Variants in MKLN1 observed in about 807,000 individuals in gnomAD.
The protein encoded by MKLN1 is muskelin.
A neutral mutation model predicts 99.0 loss-of-function variants in MKLN1; 18 were observed. The ratio of observed to expected loss-of-function variants is 0.18; its 90% CI spans 0.13 to 0.27. The LOEUF is 0.27. Ranked by LOEUF, MKLN1 falls within the 10% of genes least tolerant of loss-of-function variation. The probability of loss-of-function intolerance (pLI) is 1.00; values close to 1 mark genes in which losing one functional copy is unlikely to be tolerated. For synonymous variants in MKLN1, 288 were observed against 293.2 expected (o/e 0.98, Z 0.18); for missense variants, 621 against 875.9 (o/e 0.71, Z 3.67).
chr7:131,116,066 G>A (rs7799580), intron 1 of MKLN1, among the ~76,000 whole-genome samples: 1,914 of 152,262 alleles, frequency 0.013, 41 homozygotes, highest in African/African-American at 0.044. Flanking sequence ...AGCACTTTGG[G>A]ATGCCGAGGC....
intron 2 of MKLN1, among the ~76,000 whole-genome samples, chr7:131,143,747 G>C (rs1302584952): frequency 6.6e-6 from 1 of 152,150 alleles, no homozygotes; most frequent in Non-Finnish European, 1.5e-5. Context: ...AGGATCACTT[G>C]AGACCAGGAG....
At position 131,466,923 on chromosome 7, in the gene MKLN1, A is replaced by ACG. The variant is rs58111500; in HGVS notation, c.1928+520_1928+521dup. Reference sequence around the variant, plus strand: ...TACATATACACACACACACACACACACGCGCGCGCGCGCACACACGCACGC... The same window carrying ACG: ...TACATATACACACACACACACACACACGCGCGCGCGCGCGCACACACGCACGC... On this transcript the variant is annotated intron_variant, in intron 15 of 17. Transcript: ENST00000352689. 3.7e-3 allele frequency among the ~76,000 whole-genome samples: 558 copies of ACG among 150,652 alleles called. 2 individuals carry two copies. The highest frequency in any genetic ancestry group is 4.6e-3 in the Admixed American group (70 of 15,202).
chr7:131,116,193 A>G (rs1049635267), intron 1 of MKLN1, among the ~76,000 whole-genome samples: 1 of 151,752 alleles, frequency 6.6e-6, no homozygotes, highest in Admixed American at 6.6e-5. Context: ...TAATGAATAT[A>G]TATATATATT....
At chr7:131,288,963 C>A (rs373138621) in intron 3 of MKLN1, among the ~76,000 whole-genome samples, 19 of 152,056 alleles carry the variant, frequency 1.2e-4, no homozygotes, top group East Asian at 9.6e-4. Flanking sequence ...GGTGGTTAGG[C>A]AGAGCCTTCT....
At chr7:131,405,265 C>A (rs1048586818) in intron 6 of MKLN1, among the ~76,000 whole-genome samples, 2 of 151,762 alleles carry the variant, frequency 1.3e-5, no homozygotes, top group African/African-American at 4.8e-5. Context: ...ATCAAGTGCA[C>A]TAGTCTCTTG....
intron 2 of MKLN1, among the ~76,000 whole-genome samples, chr7:131,153,202 T>A (rs1210503556): frequency 1.3e-5 from 2 of 152,114 alleles, no homozygotes; most frequent in East Asian, 3.8e-4. Context: ...TTTTTTGGCA[T>A]GTGCCAATGG....
chr7:131,366,581 C>A (rs568884890), intron 1 of MKLN1, among the ~76,000 whole-genome samples: 1 of 152,042 alleles, frequency 6.6e-6, no homozygotes, highest in East Asian at 1.9e-4. Flanking sequence ...GAGGCTGAGG[C>A]GGCAAGATCA....
At chr7:131,379,024 A>G (rs1793756856) in intron 2 of MKLN1, among the ~76,000 whole-genome samples, 1 of 152,098 alleles carries the variant, frequency 6.6e-6, no homozygotes, top group Non-Finnish European at 1.5e-5. Context: ...ATGAGGAAGA[A>G]AACTCGTCTC....
intron 3 of MKLN1, chr7:131,311,195 A>G (rs1179836105): frequency 5.9e-5 from 9 of 152,196 alleles, no homozygotes. Context: ...ATTCAAGAGT[A>G]CTTGTCAGGG....
At chr7:131,168,402 T>TA (rs1248774498) in intron 2 of MKLN1, among the ~76,000 whole-genome samples, 1 of 151,902 alleles carries the variant, frequency 6.6e-6, no homozygotes, top group African/African-American at 2.4e-5. Context: ...ATAAAGGCTT[T>TA]AAAAAAAAGC....
chr7:131,492,403 A>G lies in MKLN1; in HGVS notation c.*4675A>G, dbSNP rs1797448078. The G allele has an allele frequency of 6.6e-6, 1 of 152,090 alleles. No homozygotes were observed. The highest frequency in any genetic ancestry group is 1.5e-5 in the Non-Finnish European group (1 of 68,008). The allele number at this position is 152,090 out of a possible 1,614,324, so 9.4% of individuals were successfully genotyped here. ...TTTCTTTTTTTTTCCTTAAATAAAA[A>G]TAATGCAGCCTTATATATGTCTCTT... On this transcript the variant is annotated 3_prime_UTR_variant, in exon 18 of 18. Transcript: ENST00000352689.
At chr7:131,153,662 TGG>T (rs1491203920) in intron 2 of MKLN1, among the ~76,000 whole-genome samples, 1,476 of 54,700 alleles carry the variant, frequency 0.027, 39 homozygotes, top group Middle Eastern at 0.048. Context: ...AGGTTTTTTT[TGG>T]TTTTTTTTTT....
chr7:131,376,112 A>ATG (rs1190370527), intron 2 of MKLN1, among the ~76,000 whole-genome samples: 3 of 242 alleles, frequency 0.012, no homozygotes, highest in African/African-American at 0.047. Flanking sequence ...ATATATATAT[A>ATG]TATATATATA....
At chr7:131,327,861 C>G, upstream of MKLN1, 1 of 1,604,116 alleles carries the variant, frequency 6.2e-7, no homozygotes, top group East Asian at 2.2e-5. Context: ...CTCCCGTTCG[C>G]TGCCAGCGGT....
chr7:131,133,468 C>T (rs187908586), intron 1 of MKLN1, among the ~76,000 whole-genome samples: 8 of 150,202 alleles, frequency 5.3e-5, no homozygotes, highest in African/African-American at 2.0e-4. Context: ...ATTCTCCTGC[C>T]TCAGCCTCCT....
intron 4 of MKLN1, 120 bp downstream of exon 4, chr7:131,389,092 T>G (rs1366140497): frequency 8.4e-6 from 5 of 596,876 alleles, no homozygotes; most frequent in Non-Finnish European, 1.4e-5. Context: ...TATGGGAATA[T>G]TGCTGCGCTG....
chr7:131,353,853 G>A lies in MKLN1; in HGVS notation c.99-21571G>A, dbSNP rs113689299. 4.6e-3 allele frequency among the ~76,000 whole-genome samples: 490 copies of A among 105,978 alleles called. 2 individuals are homozygous for A. Among genetic ancestry groups the A allele is most frequent in the African/African-American group, 0.016 (465 of 28,364 alleles). The allele number at this position is 105,978 out of a possible 152,430, so 69.5% of individuals were successfully genotyped here. On this transcript the variant is annotated intron_variant, in intron 1 of 17. Transcript: ENST00000352689. Reference sequence around the variant, plus strand: ...ATAGTTGTCCAGTTGCTCTAGCACTGTTTGTTGAAAAGGCTATTCTTCCTT... The same window carrying A: ...ATAGTTGTCCAGTTGCTCTAGCACTATTTGTTGAAAAGGCTATTCTTCCTT...
At chr7:131,484,204 A>G (rs1415794270) in intron 17 of MKLN1, among the ~76,000 whole-genome samples, 1 of 152,180 alleles carries the variant, frequency 6.6e-6, no homozygotes, top group Non-Finnish European at 1.5e-5. Flanking sequence ...CCTCATAGGT[A>G]AATAGTAAAT....
Position 131,146,935 on chromosome 7 carries a change from G to C in MKLN1, c.-297+3994G>C, listed in dbSNP as rs563773636. 2.0e-3 allele frequency among the ~76,000 whole-genome samples: 303 copies of C among 152,284 alleles called. 4 individuals are homozygous for C. The highest frequency in any genetic ancestry group is 6.9e-3 in the African/African-American group (287 of 41,560). On this transcript the variant is annotated intron_variant, in intron 2 of 7. Coordinates refer to the MKLN1 transcript ENST00000416992. Reference sequence around the variant, plus strand: ...ATCCTTACAGTACCTTGTGACAAATGCTATAGCAGTTGCGTGTATGTTTTT... The same window carrying C: ...ATCCTTACAGTACCTTGTGACAAATCCTATAGCAGTTGCGTGTATGTTTTT...
Sources: gnomAD v4.1 joint callset for allele counts (sites outside exome capture counted in the v4.1 genomes callset) on GRCh38, gnomAD v4.1.1 for gene constraint, MANE v1.5 for transcripts, NCBI Gene and HGNC (gene_info 2026-07-23, HGNC 2026-07-21) for gene names.